MAGI1: variants seen among roughly 807,000 people sequenced by gnomAD.
MAGI1 encodes the protein membrane associated guanylate kinase, WW and PDZ domain containing 1, also known as membrane-associated guanylate kinase, WW and PDZ domain-containing protein 1.
MAGI1 carries 58 observed loss-of-function variants against 139.9 expected under a neutral mutation model. That is an observed-to-expected ratio of 0.41 (90% CI 0.34 to 0.52). The LOEUF is 0.52. MAGI1 is among the 20% of genes least tolerant of loss of function. The probability of loss-of-function intolerance (pLI) is 0.12; values close to 1 mark genes in which losing one functional copy is unlikely to be tolerated. For synonymous variants in MAGI1, 812 were observed against 737.9 expected (o/e 1.10, Z -1.63); for missense variants, 1,874 against 1,901.6 (o/e 0.99, Z 0.27).
At chr3:65,602,023 C>G (rs964463402) in intron 2 of MAGI1, among the ~76,000 whole-genome samples, 1 of 152,144 alleles carries the variant, frequency 6.6e-6, no homozygotes, top group South Asian at 2.1e-4. Context: ...AAATCAAAAC[C>G]ACAATGACAT....
At chr3:65,937,860 A>C (rs2106806137) in intron 1 of MAGI1, among the ~76,000 whole-genome samples, 1 of 152,260 alleles carries the variant, frequency 6.6e-6, no homozygotes, top group Middle Eastern at 3.4e-3. Flanking sequence ...TCCAGCCCAA[A>C]TAAGAATTAA....
intron 1 of MAGI1, among the ~76,000 whole-genome samples, chr3:65,814,308 A>G (rs1451007559): frequency 6.6e-6 from 1 of 152,168 alleles, no homozygotes; most frequent in Non-Finnish European, 1.5e-5. Context: ...GAGATGATGC[A>G]TGTAATGGTG....
At chr3:65,999,311 G>A (rs973292380) in intron 1 of MAGI1, among the ~76,000 whole-genome samples, 1 of 152,124 alleles carries the variant, frequency 6.6e-6, no homozygotes, top group Non-Finnish European at 1.5e-5. Context: ...GATAAGGAGA[G>A]GAAAGACAGG....
chr3:65,623,077 T>TAA (rs2083770859), intron 1 of MAGI1, among the ~76,000 whole-genome samples: 1 of 152,176 alleles, frequency 6.6e-6, no homozygotes, highest in African/African-American at 2.4e-5. Flanking sequence ...AGAGACTGGG[T>TAA]AATACGAGGA....
At chr3:65,912,988 A>T (rs1296812409) in intron 1 of MAGI1, among the ~76,000 whole-genome samples, 1 of 152,164 alleles carries the variant, frequency 6.6e-6, no homozygotes, top group Non-Finnish European at 1.5e-5. Flanking sequence ...CCAAGCCATA[A>T]GGGGCTGGGC....
chr3:65,514,813 A>G (rs953383230), intron 2 of MAGI1, among the ~76,000 whole-genome samples: 7 of 148,432 alleles, frequency 4.7e-5, no homozygotes, highest in African/African-American at 1.0e-4. Context: ...TACTGGGTGT[A>G]TACCCAAAGG....
intron 22 of MAGI1, among the ~76,000 whole-genome samples, chr3:65,357,684 G>A (rs1004248442): frequency 1.6e-4 from 24 of 152,096 alleles, no homozygotes; most frequent in Admixed American, 1.6e-3. Context: ...TTAAATGGGC[G>A]CATACAGAAG....
At chr3:65,738,642 G>T (rs1354999992) in intron 1 of MAGI1, among the ~76,000 whole-genome samples, 2 of 152,134 alleles carry the variant, frequency 1.3e-5, no homozygotes, top group African/African-American at 4.8e-5. Context: ...TTGATCCATG[G>T]GCTGCAGAAG....
In MAGI1 at chr3:65,766,875, C is replaced by T. The variant is rs551973732; in HGVS notation, c.314-144787G>A. On this transcript the variant is annotated intron_variant, in intron 1 of 22. Transcript: ENST00000402939. ...CCGCACTCCAGCCTGGGTGACAGAG[C>T]GAGACTCCATCTCAAATAGTAATAA... Among the ~76,000 whole-genome samples, 10 of 151,990 alleles carry T rather than the reference C, an allele frequency of 6.6e-5. No homozygotes were observed. In the East Asian group the frequency reaches 9.8e-4, roughly 15 times the overall value.
intron 12 of MAGI1, among the ~76,000 whole-genome samples, chr3:65,410,237 C>G (rs1397830516): frequency 6.6e-6 from 1 of 152,038 alleles, no homozygotes; most frequent in Admixed American, 6.5e-5. Flanking sequence ...GTGAAGTATG[C>G]CTAAAGGTTG....
intron 3 of MAGI1, among the ~76,000 whole-genome samples, chr3:65,488,555 T>C (rs1416724505): frequency 6.6e-6 from 1 of 151,842 alleles, no homozygotes; most frequent in Non-Finnish European, 1.5e-5. Context: ...TGGCCAGGCT[T>C]GTGTCGAATT....
chr3:66,004,257 A>T (rs2066899164), intron 1 of MAGI1, among the ~76,000 whole-genome samples: 1 of 152,166 alleles, frequency 6.6e-6, no homozygotes. Context: ...TCAGACAGAA[A>T]TGGGGACAGT....
At chr3:65,507,245 T>C (rs1327164812) in intron 2 of MAGI1, among the ~76,000 whole-genome samples, 2 of 152,230 alleles carry the variant, frequency 1.3e-5, no homozygotes, top group Non-Finnish European at 2.9e-5. Flanking sequence ...ACAGAGTAAG[T>C]AGCATAAAAC....
At chr3:65,460,416 G>T (rs1949695053) in intron 5 of MAGI1, among the ~76,000 whole-genome samples, 1 of 151,726 alleles carries the variant, frequency 6.6e-6, no homozygotes, top group Non-Finnish European at 1.5e-5. Context: ...TGTAGAAATA[G>T]TGTAATAGTT....
intron 1 of MAGI1, among the ~76,000 whole-genome samples, chr3:66,027,125 A>G (rs554304752): frequency 6.6e-6 from 1 of 151,916 alleles, no homozygotes; most frequent in South Asian, 2.1e-4. Flanking sequence ...AAAAATAGCC[A>G]GGCGTGGTGG....
chr3:65,856,364 C>A (rs1309609876), intron 1 of MAGI1, among the ~76,000 whole-genome samples: 1 of 152,142 alleles, frequency 6.6e-6, no homozygotes, highest in Non-Finnish European at 1.5e-5. Context: ...CTGCCTCCCA[C>A]AACCCTGTAA....
chr3:65,662,110 A>G (rs1039942143), intron 1 of MAGI1, among the ~76,000 whole-genome samples: 1 of 148,098 alleles, frequency 6.8e-6, no homozygotes, highest in African/African-American at 2.4e-5. Flanking sequence ...AAGAACTTTC[A>G]CAAGTTCAGG....
intron 2 of MAGI1, among the ~76,000 whole-genome samples, chr3:65,563,575 A>G (rs1008909540): frequency 6.6e-6 from 1 of 152,182 alleles, no homozygotes; most frequent in Non-Finnish European, 1.5e-5. Flanking sequence ...AAGTCCACAT[A>G]GCTTCCTGCC....
At chr3:65,458,773 T>A (rs1949576366) in intron 5 of MAGI1, among the ~76,000 whole-genome samples, 1 of 152,188 alleles carries the variant, frequency 6.6e-6, no homozygotes, top group Admixed American at 6.5e-5. Context: ...CTCCTCACTT[T>A]GTTTCCTTTT....
Sources: gnomAD v4.1 joint callset for allele counts (sites outside exome capture counted in the v4.1 genomes callset) on GRCh38, gnomAD v4.1.1 for gene constraint, MANE v1.5 for transcripts, NCBI Gene and HGNC (gene_info 2026-07-23, HGNC 2026-07-21) for gene names.